The following ZNF431 variants were observed in gnomAD, a reference collection of about 807,000 sequenced individuals.
ZNF431 encodes the protein zinc finger protein 431.
A neutral mutation model predicts 57.0 loss-of-function variants in ZNF431; 34 were observed. The ratio of observed to expected loss-of-function variants is 0.60; its 90% CI spans 0.45 to 0.79. The LOEUF (loss-of-function observed/expected upper bound fraction) is 0.79. Among genes scored for constraint, ZNF431 ranks in the 30% least tolerant of loss-of-function variants. The probability of loss-of-function intolerance (pLI) is 0.00; values close to 1 mark genes in which losing one functional copy is unlikely to be tolerated. For missense variants in ZNF431, 607 were observed against 667.1 expected, an observed-to-expected ratio of 0.91 and a Z score of 0.99; for synonymous variants, 207 against 220.3, an observed-to-expected ratio of 0.94 and a Z score of 0.54.
chr19:21,142,305 TCTC>T (rs1338172474), intron 1 of ZNF431, 119 bp downstream of exon 1: 2 of 1,426,996 alleles, frequency 1.4e-6, no homozygotes, highest in Admixed American at 3.4e-5. Context: ...CGCCCCGAGT[TCTC>T]CTTGCCCAGC....
rs142958248 is a variant in ZNF431 at position 21,160,088 on chromosome 19, G to A, written c.97-6247G>A. 4.1e-3 allele frequency among the ~76,000 whole-genome samples: 618 copies of A among 151,212 alleles called. 4 individuals are homozygous for A. The highest frequency in any genetic ancestry group is 0.014 in the African/African-American group (574 of 41,200). On this transcript the variant is annotated intron_variant, in intron 2 of 4. Coordinates refer to ENST00000311048, the MANE Select transcript of ZNF431 (RefSeq NM_133473.4). ...TACTTTACTTGATGTAACACCCAAG[G>A]ATGCAAGCCAGGTTGATCCCACCTA...
chr19:21,174,394 A>G (rs1485140323), intron 4 of ZNF431, among the ~76,000 whole-genome samples: 1 of 152,112 alleles, frequency 6.6e-6, no homozygotes, highest in Admixed American at 6.5e-5. Context: ...CGTTTGCTTT[A>G]TATATTTTGG....
chr19:21,166,383 T>TG lies in ZNF431; in HGVS notation c.148dup (p.Glu50GlyfsTer31). 1 of 1,612,092 alleles carries TG rather than the reference T, an allele frequency of 6.2e-7. No individual in the cohort carries two copies. The highest frequency in any genetic ancestry group is 2.2e-5 in the East Asian group (1 of 44,802). ...GGCCATAGAATTCTCTCTGGAGGAG[T>TG]GGGAATGCCTGAACCCTGCTCAGCA... On this transcript the variant is annotated frameshift_variant, in exon 3 of 5. Coordinates refer to ENST00000311048, the MANE Select transcript of ZNF431 (RefSeq NM_133473.4). LOFTEE classifies it high-confidence loss of function.
At chr19:21,151,547 A>C (rs1005476503) in intron 2 of ZNF431, among the ~76,000 whole-genome samples, 2 of 152,210 alleles carry the variant, frequency 1.3e-5, no homozygotes, top group South Asian at 4.1e-4. Context: ...CAAATAAGAA[A>C]GTACTCATTC....
intron 2 of ZNF431, among the ~76,000 whole-genome samples, chr19:21,163,895 A>T (rs1970646155): frequency 1.3e-5 from 2 of 151,884 alleles, no homozygotes; most frequent in Non-Finnish European, 2.9e-5. Flanking sequence ...CATTAGGATT[A>T]CACGGTGAAA....
At chr19:21,161,409 T>C (rs1022344107) in intron 2 of ZNF431, among the ~76,000 whole-genome samples, 1 of 152,196 alleles carries the variant, frequency 6.6e-6, no homozygotes, top group Non-Finnish European at 1.5e-5. Flanking sequence ...GTGTTTCTTT[T>C]ACCTTGCTAA....
rs1971420950 is a variant in ZNF431 at position 21,188,065 on chromosome 19, C to G, written c.*4031C>G. ...CTTGAGGTCAGGAGTTTGAGACCAG[C>G]CTGACCAACATGGTGAAACCCTGTG... is the stretch of plus-strand genomic sequence containing the variant. On this transcript the variant is annotated 3_prime_UTR_variant, in exon 5 of 5. Coordinates refer to ENST00000311048, the MANE Select transcript of ZNF431 (RefSeq NM_133473.4). 6.6e-6 allele frequency: 1 copy of G among 152,054 alleles called. No homozygotes were observed. Among genetic ancestry groups the G allele is most frequent in the Admixed American group, 6.6e-5 (1 of 15,264 alleles). The allele number at this position is 152,054 out of a possible 1,614,324, so 9.4% of individuals were successfully genotyped here. A position where few individuals can be genotyped will look rare whatever the true frequency, so the allele number is the denominator to read the frequency against.
intron 4 of ZNF431, among the ~76,000 whole-genome samples, chr19:21,171,106 G>T (rs889062508): frequency 1.3e-5 from 2 of 152,124 alleles, no homozygotes; most frequent in Non-Finnish European, 2.9e-5. Flanking sequence ...TTTCAATTTT[G>T]TGTAAGAATA....
chr19:21,186,386 T>A lies in ZNF431; in HGVS notation c.*2352T>A, dbSNP rs1030508786. 4.6e-5 allele frequency: 7 copies of A among 152,292 alleles called. No individual in the cohort carries two copies. Among genetic ancestry groups the A allele is most frequent in the African/African-American group, 1.4e-4 (6 of 41,556 alleles). 9.4% of individuals were successfully genotyped at this position (152,292 alleles called of 1,614,324 possible). The stretch of plus-strand genomic sequence containing the variant: ...ACTTTTAGTTTTGATTCATATAGAG[T>A]TAAATACATGTTAGTCTAAAGACAA... On this transcript the variant is annotated 3_prime_UTR_variant, in exon 5 of 5. Transcript: ENST00000311048.
intron 2 of ZNF431, among the ~76,000 whole-genome samples, chr19:21,159,046 A>C (rs1970501820): frequency 6.6e-6 from 1 of 152,202 alleles, no homozygotes; most frequent in East Asian, 1.9e-4. Flanking sequence ...ATTATATTGA[A>C]AGTGTTTTTA....
intron 2 of ZNF431, chr19:21,150,127 T>C: frequency 1.6e-6 from 1 of 633,374 alleles, no homozygotes; most frequent in South Asian, 1.5e-5. Context: ...CCTCTTGCTT[T>C]GTCTCTGGTC....
At chr19:21,156,089 C>G (rs944534050) in intron 2 of ZNF431, among the ~76,000 whole-genome samples, 1 of 152,170 alleles carries the variant, frequency 6.6e-6, no homozygotes, top group African/African-American at 2.4e-5. Context: ...AGGCACCACC[C>G]TCAGGAATTT....
intron 4 of ZNF431, among the ~76,000 whole-genome samples, chr19:21,170,662 T>TC (rs1555709625): frequency 1.4e-4 from 21 of 151,698 alleles, no homozygotes; most frequent in Non-Finnish European, 2.5e-4. Flanking sequence ...TTTTCTTTTT[T>TC]TTTTCTTTTC....
chr19:21,182,715 G>A lies in ZNF431; in HGVS notation c.412G>A (p.Glu138Lys). The change falls in exon 5 of 5, where the codon GAA (glutamate) becomes AAA (lysine). Residue 138 changes from glutamate to lysine, a missense_variant. Physicochemically the swap from Glu to Lys is moderately conservative, Grantham distance 56. Coordinates refer to ENST00000311048, the MANE Select transcript of ZNF431 (RefSeq NM_133473.4). ...AATACTGAGAAGATATGGCAAATGT[G>A]AACATGAGAATTTACAGTTAAGAAA... ...QVILRRYGKC[E>K]HENLQLRKGS... The A allele has an allele frequency of 1.9e-6, 3 of 1,613,854 alleles. No individual in the cohort carries two copies.
chr19:21,159,748 C>A (rs1970521500), intron 2 of ZNF431, among the ~76,000 whole-genome samples: 1 of 152,106 alleles, frequency 6.6e-6, no homozygotes, highest in Non-Finnish European at 1.5e-5. Flanking sequence ...AGAATTGATA[C>A]CAGCTCTTTG....
At position 21,188,783 on chromosome 19, in the gene ZNF431, G is replaced by A. The variant is rs761209299; in HGVS notation, c.*4749G>A. The stretch of plus-strand genomic sequence containing the variant: ...CTTTGCATGCAAACTAGTTTACTGT[G>A]TTCACAGAGTGGCCAGTCATGGGAC... On this transcript the variant is annotated 3_prime_UTR_variant, in exon 5 of 5. Coordinates refer to ENST00000311048, the MANE Select transcript of ZNF431 (RefSeq NM_133473.4). 1 of 152,132 alleles carries A rather than the reference G, an allele frequency of 6.6e-6. No individual in the cohort carries two copies. Among genetic ancestry groups the A allele is most frequent in the Non-Finnish European group, 1.5e-5 (1 of 68,034 alleles). 9.4% of individuals were successfully genotyped at this position (152,132 alleles called of 1,614,324 possible).
intron 3 of ZNF431, among the ~76,000 whole-genome samples, chr19:21,167,258 C>A (rs1025969598): frequency 6.6e-6 from 1 of 151,660 alleles, no homozygotes; most frequent in African/African-American, 2.4e-5. Context: ...CCTCCCGGGT[C>A]CAAGCAATTC....
At chr19:21,175,880 G>A (rs1971035342) in intron 4 of ZNF431, among the ~76,000 whole-genome samples, 1 of 152,188 alleles carries the variant, frequency 6.6e-6, no homozygotes, top group Non-Finnish European at 1.5e-5. Context: ...TTGCTGCAAT[G>A]AAGATACACA....
chr19:21,160,071 T>C (rs929406562), intron 2 of ZNF431, among the ~76,000 whole-genome samples: 1 of 151,938 alleles, frequency 6.6e-6, no homozygotes, highest in South Asian at 2.1e-4. Context: ...TGTACTTTAC[T>C]TGATGTAACA....
Sources: gnomAD v4.1 joint callset for allele counts (sites outside exome capture counted in the v4.1 genomes callset) on GRCh38, gnomAD v4.1.1 for gene constraint, MANE v1.5 for transcripts, NCBI Gene and HGNC (gene_info 2026-07-23, HGNC 2026-07-21) for gene names.